The following PHKB variants were observed in gnomAD, a reference collection of about 807,000 sequenced individuals.
PHKB encodes phosphorylase kinase regulatory subunit beta, also known as phosphorylase b kinase regulatory subunit beta.
In PHKB, 122 loss-of-function variants were observed where a neutral mutation model predicts 152.1. The observed-to-expected ratio is 0.80, with a 90% CI of 0.69 to 0.93. The LOEUF (loss-of-function observed/expected upper bound fraction) is 0.93. Ranked by LOEUF, PHKB falls within the 40% of genes least tolerant of loss-of-function variation. The probability of loss-of-function intolerance (pLI) is 0.00; values close to 1 mark genes in which losing one functional copy is unlikely to be tolerated. For synonymous variants in PHKB, 436 were observed against 464.9 expected, an observed-to-expected ratio of 0.94 and a Z score of 0.80; for missense variants, 1,304 against 1,328.4, an observed-to-expected ratio of 0.98 and a Z score of 0.29.
chr16:47,528,696 CTT>C (rs11450311), intron 6 of PHKB, among the ~76,000 whole-genome samples: 3 of 137,366 alleles, frequency 2.2e-5, no homozygotes, highest in Non-Finnish European at 3.1e-5. Context: ...AGGACTTTTT[CTT>C]TTTTTTTTTT....
rs537071925 is a variant in PHKB, at chr16:47,604,376, A to G, written c.1364-6450A>G. Among the ~76,000 whole-genome samples the G allele has an allele frequency of 1.1e-4, 17 of 152,278 alleles. No individual in the cohort carries two copies. In the South Asian group the frequency reaches 2.7e-3, roughly 24 times the overall value. On this transcript the variant is annotated intron_variant, in intron 13 of 30. Coordinates refer to ENST00000323584, the MANE Select transcript of PHKB (RefSeq NM_000293.3). ...TTTAGTTTTTGCTGTGGAATTTACC[A>G]TTTAATTTTAGAAAGTCCATCCTTG...
At position 47,499,737 on chromosome 16, in the gene PHKB, G is replaced by T; in HGVS notation, c.167-19G>T. Reference sequence around the variant, plus strand: ...TCGCTGACTGTACAGTTCATTCTTTGTCTTGTCCTCAATTGCAGTCAAGTC... The same window carrying T: ...TCGCTGACTGTACAGTTCATTCTTTTTCTTGTCCTCAATTGCAGTCAAGTC... On this transcript the variant is annotated intron_variant, in intron 2 of 30. Transcript: ENST00000323584. 6.2e-7 allele frequency: 1 copy of T among 1,614,048 alleles called. No homozygotes were observed. Among genetic ancestry groups the T allele is most frequent in the African/African-American group, 1.3e-5 (1 of 75,074 alleles).
At chr16:47,553,177 A>G (rs187361455) in intron 7 of PHKB, among the ~76,000 whole-genome samples, 6 of 152,206 alleles carry the variant, frequency 3.9e-5, no homozygotes, top group Admixed American at 2.6e-4. Flanking sequence ...CACCAACCAA[A>G]CATAGGTTTG....
At chr16:47,487,404 T>C (rs1232110123) in intron 1 of PHKB, among the ~76,000 whole-genome samples, 1 of 107,100 alleles carries the variant, frequency 9.3e-6, no homozygotes, top group African/African-American at 3.6e-5. Context: ...TATTATTAGG[T>C]ACAAGAGTTT....
intron 26 of PHKB, among the ~76,000 whole-genome samples, chr16:47,673,267 A>C (rs1437653383): frequency 6.6e-6 from 1 of 152,110 alleles, no homozygotes; most frequent in East Asian, 1.9e-4. Flanking sequence ...GGATTGTTTA[A>C]CATACGGTAT....
At chr16:47,506,713 C>T (rs1970425548) in intron 4 of PHKB, among the ~76,000 whole-genome samples, 1 of 152,060 alleles carries the variant, frequency 6.6e-6, no homozygotes, top group African/African-American at 2.4e-5. Flanking sequence ...TAGTTTAAGG[C>T]AGGGGTTTCC....
chr16:47,553,066 T>G (rs1290860129), intron 7 of PHKB, among the ~76,000 whole-genome samples: 1 of 152,130 alleles, frequency 6.6e-6, no homozygotes, highest in Non-Finnish European at 1.5e-5. Context: ...ATTTCCTGAA[T>G]TTGAATTTGT....
intron 6 of PHKB, among the ~76,000 whole-genome samples, chr16:47,543,122 A>G (rs955978278): frequency 1.3e-5 from 2 of 152,248 alleles, no homozygotes; most frequent in South Asian, 4.1e-4. Flanking sequence ...ATTCAGTGTG[A>G]TATTGGCTGT....
chr16:47,594,677 C>T (rs1972088141), intron 12 of PHKB, among the ~76,000 whole-genome samples: 1 of 152,154 alleles, frequency 6.6e-6, no homozygotes, highest in South Asian at 2.1e-4. Flanking sequence ...GGTGCTAAAA[C>T]ATCGTCCTTT....
At chr16:47,510,764 G>C (rs1358093956) in intron 4 of PHKB, among the ~76,000 whole-genome samples, 2 of 152,144 alleles carry the variant, frequency 1.3e-5, no homozygotes, top group Admixed American at 6.5e-5. Flanking sequence ...GTTCTATATA[G>C]TTTCATAGTG....
At chr16:47,613,154 T>C (rs1972458029) in intron 14 of PHKB, among the ~76,000 whole-genome samples, 1 of 152,184 alleles carries the variant, frequency 6.6e-6, no homozygotes, top group South Asian at 2.1e-4. Flanking sequence ...GCCACTGTAA[T>C]TCACTAGAGG....
chr16:47,589,276 A>T (rs940760033), intron 10 of PHKB, among the ~76,000 whole-genome samples, 174 bp downstream of exon 10: 37 of 152,330 alleles, frequency 2.4e-4, no homozygotes, highest in African/African-American at 8.4e-4. Context: ...TAATAATAGT[A>T]CCTATATCAT....
intron 26 of PHKB, among the ~76,000 whole-genome samples, chr16:47,678,561 A>G (rs1436412317): frequency 2.6e-5 from 4 of 152,008 alleles, no homozygotes; most frequent in African/African-American, 9.7e-5. Context: ...GGCTGCATAA[A>G]TGTCTTCTTT....
chr16:47,509,298 C>G (rs1356342109), intron 4 of PHKB, among the ~76,000 whole-genome samples: 3 of 152,164 alleles, frequency 2.0e-5, no homozygotes, highest in Admixed American at 6.5e-5. Context: ...TGAATTAACA[C>G]CAGATGGCTT....
At chr16:47,523,530 A>G (rs1316177057) in intron 6 of PHKB, among the ~76,000 whole-genome samples, 1 of 152,164 alleles carries the variant, frequency 6.6e-6, no homozygotes, top group African/African-American at 2.4e-5. Context: ...GAAGTGCCCA[A>G]TTCTACTTGA....
intron 1 of PHKB, among the ~76,000 whole-genome samples, chr16:47,475,082 C>T (rs939745610): frequency 5.9e-5 from 9 of 152,200 alleles, no homozygotes; most frequent in Non-Finnish European, 5.9e-5. Flanking sequence ...TTTTATAATT[C>T]GCATCTAAAC....
intron 1 of PHKB, among the ~76,000 whole-genome samples, chr16:47,481,420 T>C (rs1597017953): frequency 1.3e-5 from 2 of 152,236 alleles, no homozygotes. Flanking sequence ...AAACTACCCA[T>C]TGCAGCCCAA....
chr16:47,598,572 C>A, intron 13 of PHKB: 1 of 788,006 alleles, frequency 1.3e-6, no homozygotes, highest in South Asian at 1.7e-5. Flanking sequence ...TATAAAATGT[C>A]AGTAATATGA....
intron 7 of PHKB, 126 bp from the exon 8 acceptor site, chr16:47,580,169 A>C (rs916627311): frequency 4.0e-6 from 3 of 750,868 alleles, no homozygotes; most frequent in East Asian, 2.5e-5. Context: ...CTTAGACATT[A>C]TTCTTCTTAC....
Sources: allele counts gnomAD v4.1 joint callset (sites outside exome capture counted in the v4.1 genomes callset), GRCh38; gene constraint gnomAD v4.1.1; transcripts MANE v1.5; gene names NCBI Gene and HGNC (gene_info 2026-07-23, HGNC 2026-07-21).